CSPP1: variants seen among roughly 807,000 people sequenced by gnomAD.
CSPP1 encodes centrosome and spindle pole-associated protein 1.
Under a neutral mutation model 164.4 loss-of-function variants are expected in CSPP1, and 126 were observed. That is an observed-to-expected ratio of 0.77 (90% confidence interval 0.66 to 0.89). CSPP1 has a LOEUF of 0.89. CSPP1 is among the 40% of genes least tolerant of loss of function. CSPP1 has a pLI of 0.00. For missense variants in CSPP1, 1,395 were observed against 1,449.8 expected (o/e 0.96, Z 0.61); for synonymous variants, 472 against 476.7 (o/e 0.99, Z 0.13).
intron 9 of CSPP1, among the ~76,000 whole-genome samples, chr8:67,107,675 A>G (rs1371844401): frequency 6.6e-6 from 1 of 152,160 alleles, no homozygotes; most frequent in South Asian, 2.1e-4. Context: ...TGTGATTGTT[A>G]TGATACTCTT....
intron 3 of CSPP1, among the ~76,000 whole-genome samples, chr8:67,085,093 C>T (rs1036281535): frequency 6.6e-6 from 1 of 151,966 alleles, no homozygotes; most frequent in Non-Finnish European, 1.5e-5. Context: ...TACTCAAATT[C>T]GAAGTTTTTC....
At chr8:67,141,721 A>G (rs980350825) in intron 17 of CSPP1, among the ~76,000 whole-genome samples, 2 of 152,006 alleles carry the variant, frequency 1.3e-5, no homozygotes, top group Admixed American at 6.6e-5. Context: ...GGGTTTCACC[A>G]TGTTGGTGGT....
chr8:67,193,738 A>G (rs1403283328), intron 30 of CSPP1, 136 bp downstream of exon 30: 2 of 644,406 alleles, frequency 3.1e-6, no homozygotes, highest in Non-Finnish European at 5.0e-6. Flanking sequence ...CCCAAGACAT[A>G]GTAACTATTG....
At position 67,113,785 on chromosome 8, in the gene CSPP1, A is replaced by T; in HGVS notation, c.1188-20A>T. 7.1e-7 allele frequency: 1 copy of T among 1,411,258 alleles called. No homozygotes were observed. The highest frequency in any genetic ancestry group is 1.3e-5 in the South Asian group (1 of 79,588). 87.4% of individuals were successfully genotyped at this position (1,411,258 alleles called of 1,614,324 possible). A position where few individuals can be genotyped will look rare whatever the true frequency, so the allele number is the denominator to read the frequency against. On this transcript the variant is annotated intron_variant, in intron 10 of 30. Coordinates refer to ENST00000678616, the MANE Select transcript of CSPP1 (RefSeq NM_001382391.1). ...AGTTTACTATATCTTTTTAATATGTAAAACTTTAATTTTGTTTAGAGAAAA... is the reference window on the plus strand; with the variant it reads ...AGTTTACTATATCTTTTTAATATGTTAAACTTTAATTTTGTTTAGAGAAAA...
At chr8:67,133,085 A>T (rs1053000164) in intron 16 of CSPP1, among the ~76,000 whole-genome samples, 2 of 152,230 alleles carry the variant, frequency 1.3e-5, no homozygotes, top group African/African-American at 4.8e-5. Context: ...CTGTTTTTGC[A>T]TGAGCATATT....
chr8:67,123,729 A>C (rs1819469806), intron 15 of CSPP1, among the ~76,000 whole-genome samples: 1 of 150,654 alleles, frequency 6.6e-6, no homozygotes, highest in South Asian at 2.1e-4. Context: ...CTTCCACTCC[A>C]ATCTCTCAAG....
rs1381765600 is a variant in CSPP1, at chr8:67,174,384, GCAGTGTAATTAGTGAGT to G, written c.2969-909_2969-893del. 6 of 152,152 alleles carry G rather than the reference GCAGTGTAATTAGTGAGT, an allele frequency of 3.9e-5. No homozygotes were observed. The East Asian group carries it at 1.2e-3, about 29-fold the overall frequency. 9.4% of individuals were successfully genotyped at this position (152,152 alleles called of 1,614,324 possible). On this transcript the variant is annotated intron_variant, in intron 25 of 30. Coordinates refer to ENST00000678616, the MANE Select transcript of CSPP1 (RefSeq NM_001382391.1). ...TTTAGGATCATTTCTTTATATTCCAGCAGTGTAATTAGTGAGTCAAAGGGAATAATATTTTCAAGGCT... is the reference window on the plus strand; with the variant it reads ...TTTAGGATCATTTCTTTATATTCCAGCAAAGGGAATAATATTTTCAAGGCT...
In CSPP1 at chr8:67,134,626, C is replaced by T. The variant is rs1586396789; in HGVS notation, c.1827+2546C>T. The T allele has an allele frequency of 3.7e-5, 5 of 136,752 alleles. No individual in the cohort carries two copies. The South Asian group carries it at 1.2e-3, about 33-fold the overall frequency. 8.5% of individuals were successfully genotyped at this position (136,752 alleles called of 1,614,324 possible). On this transcript the variant is annotated intron_variant, in intron 16 of 30. Transcript: ENST00000678616. ...CCATGCTGGAGTGCAGTGGTGCGAT[C>T]TTAGCTCACTGCAAGCTCCGCCTCC...
chr8:67,083,138 C>G (rs1198560740), intron 3 of CSPP1, among the ~76,000 whole-genome samples: 2 of 152,060 alleles, frequency 1.3e-5, no homozygotes, highest in Non-Finnish European at 2.9e-5. Flanking sequence ...TTATAAATAA[C>G]TCAGAAGGCA....
intron 7 of CSPP1, among the ~76,000 whole-genome samples, chr8:67,096,405 A>G (rs1434989712): frequency 2.0e-5 from 3 of 151,982 alleles, no homozygotes; most frequent in Non-Finnish European, 2.9e-5. Flanking sequence ...TCTCTACTAA[A>G]AATACAAAAA....
chr8:67,169,559 C>A (rs1472619204), intron 24 of CSPP1, among the ~76,000 whole-genome samples: 1 of 152,128 alleles, frequency 6.6e-6, no homozygotes, highest in East Asian at 1.9e-4. Flanking sequence ...CCTGCCTCAG[C>A]CTCCTGAGTA....
At chr8:67,111,765 T>C (rs1816887805) in intron 9 of CSPP1, among the ~76,000 whole-genome samples, 8 of 152,202 alleles carry the variant, frequency 5.3e-5, no homozygotes, top group Admixed American at 4.6e-4. Flanking sequence ...GCATGATTAC[T>C]GTATCTTGTG....
At chr8:67,103,313 T>C (rs957934749) in intron 8 of CSPP1, among the ~76,000 whole-genome samples, 178 bp downstream of exon 8, 23 of 152,230 alleles carry the variant, frequency 1.5e-4, no homozygotes, top group Non-Finnish European at 2.2e-4. Flanking sequence ...AAATCGATAG[T>C]ACTTTACAGC....
At chr8:67,193,731 A>G (rs1444126738) in intron 30 of CSPP1, 129 bp downstream of exon 30, 5 of 684,350 alleles carry the variant, frequency 7.3e-6, no homozygotes, top group South Asian at 2.4e-5. Flanking sequence ...TGTATGGCCC[A>G]AGACATAGTA....
Position 67,195,590 on chromosome 8 carries a change from T to TTAAAA in CSPP1, c.*2_*6dup. ...GGCAGGGCCTGTCGACTGCACATGG[T>TTAAAA]TAAAATAAACCTGTACTGGACCCAG... On this transcript the variant is annotated frameshift_variant and stop_retained_variant, in exon 31 of 31. Coordinates refer to ENST00000678616, the MANE Select transcript of CSPP1 (RefSeq NM_001382391.1). LOFTEE classifies it high-confidence loss of function. 1 of 1,613,872 alleles carries TTAAAA rather than the reference T, an allele frequency of 6.2e-7. No homozygotes were observed. The highest frequency in any genetic ancestry group is 8.5e-7 in the Non-Finnish European group (1 of 1,179,822).
At chr8:67,165,938 A>G (rs1264380617) in intron 24 of CSPP1, among the ~76,000 whole-genome samples, 1 of 152,236 alleles carries the variant, frequency 6.6e-6, no homozygotes. Flanking sequence ...TCCATAAGAA[A>G]GACTTGTGTC....
At chr8:67,142,168 T>C (rs1823640251) in intron 17 of CSPP1, among the ~76,000 whole-genome samples, 1 of 152,216 alleles carries the variant, frequency 6.6e-6, no homozygotes, top group Admixed American at 6.5e-5. Flanking sequence ...GTTGTCTTTC[T>C]CAGTTCTTTA....
At chr8:67,178,480 A>C (rs1042261538) in intron 27 of CSPP1, among the ~76,000 whole-genome samples, 3 of 152,230 alleles carry the variant, frequency 2.0e-5, no homozygotes, top group Non-Finnish European at 4.4e-5. Context: ...GACAGGTTAC[A>C]TTCCAGAAGG....
At chr8:67,177,248 T>C (rs574977517) in intron 26 of CSPP1, among the ~76,000 whole-genome samples, 2 of 152,240 alleles carry the variant, frequency 1.3e-5, no homozygotes, top group East Asian at 3.9e-4. Context: ...GCTGGTCATA[T>C]TGGAGAGGCT....
Sources: allele counts gnomAD v4.1 joint callset (sites outside exome capture counted in the v4.1 genomes callset), GRCh38; gene constraint gnomAD v4.1.1; transcripts MANE v1.5; gene names NCBI Gene and HGNC (gene_info 2026-07-23, HGNC 2026-07-21).